Variants in MAGI2 observed in about 807,000 individuals in gnomAD.
MAGI2 encodes membrane associated guanylate kinase, WW and PDZ domain containing 2, also known as membrane-associated guanylate kinase, WW and PDZ domain-containing protein 2.
MAGI2 carries 35 observed loss-of-function variants against 133.3 expected under a neutral mutation model. The ratio of observed to expected loss-of-function variants is 0.26; its 90% CI spans 0.20 to 0.35. The LOEUF is 0.35. Ranked by LOEUF, MAGI2 falls within the 10% of genes least tolerant of loss-of-function variation. MAGI2 has a pLI of 1.00. For missense variants in MAGI2, 1,636 were observed against 1,863.4 expected (o/e 0.88, Z 2.25); for synonymous variants, 729 against 710.6 (o/e 1.03, Z -0.41).
intron 20 of MAGI2, among the ~76,000 whole-genome samples, chr7:78,089,898 C>T (rs997769832): frequency 1.3e-5 from 2 of 152,198 alleles, no homozygotes; most frequent in South Asian, 2.1e-4. Context: ...CCCCATGCTT[C>T]TTGAACAGAA....
chr7:78,064,328 T>TTGTGTGTGTGTG (rs3840609), intron 21 of MAGI2, among the ~76,000 whole-genome samples: 13,584 of 148,480 alleles, frequency 0.091, 646 homozygotes, highest in East Asian at 0.13. Context: ...TGTGATGGTT[T>TTGTGTGTGTGTG]TGTGTGTGTG....
intron 16 of MAGI2, among the ~76,000 whole-genome samples, chr7:78,143,470 A>T (rs1255818597): frequency 6.6e-6 from 1 of 152,142 alleles, no homozygotes. Flanking sequence ...AGCCTCATCA[A>T]GTTATTACTA....
chr7:78,508,986 A>G (rs1426348973), intron 4 of MAGI2, among the ~76,000 whole-genome samples: 2 of 150,820 alleles, frequency 1.3e-5, no homozygotes, highest in East Asian at 3.9e-4. Flanking sequence ...GGTTCAAGTG[A>G]TTCTCCTGCC....
intron 1 of MAGI2, among the ~76,000 whole-genome samples, chr7:79,135,958 A>AGAAG (rs1821370598): frequency 4.0e-5 from 1 of 24,832 alleles, no homozygotes; most frequent in African/African-American, 6.0e-5. Context: ...AAAGAAAGAA[A>AGAAG]GAAAGAAAGA....
At chr7:79,233,832 T>C (rs1261883528) in intron 1 of MAGI2, among the ~76,000 whole-genome samples, 3 of 150,790 alleles carry the variant, frequency 2.0e-5, no homozygotes, top group Admixed American at 1.3e-4. Flanking sequence ...TTTGATCCTG[T>C]CATTATGATG....
In MAGI2 at chr7:78,019,484, A is replaced by T. The variant is rs1808081039; in HGVS notation, c.4199T>A (p.Leu1400Gln). Residue 1400 changes from leucine (L) to glutamine (Q), a missense_variant, in exon 22 of 22, where the codon CTG becomes CAG. By Grantham distance (113) the Leu-to-Gln change is moderately radical (BLOSUM62 -2). Around this residue, in one of 5 missense-constraint regions of MAGI2, gnomAD observed 354 missense variants for 298.7 expected, o/e 1.19. Coordinates refer to ENST00000354212, the MANE Select transcript of MAGI2 (RefSeq NM_012301.4). ...AGPGGGGSGALEAEGRAGARA... is the reference protein window; with the variant it reads ...AGPGGGGSGAQEAEGRAGARA... Reference sequence around the variant, plus strand: ...CGCACCCGCCCTGCCCTCGGCCTCCAGCGCGCCGCTGCCGCCGCCGCCCGG... The same window carrying T: ...CGCACCCGCCCTGCCCTCGGCCTCCTGCGCGCCGCTGCCGCCGCCGCCCGG... The T allele has an allele frequency of 6.1e-6, 6 of 979,072 alleles. No individual in the cohort carries two copies. Among genetic ancestry groups the T allele is most frequent in the Non-Finnish European group, 6.0e-6 (5 of 827,754 alleles). The allele number at this position is 979,072 out of a possible 1,614,324, so 60.6% of individuals were successfully genotyped here. A position where few individuals can be genotyped will look rare whatever the true frequency, so the allele number is the denominator to read the frequency against.
chr7:78,377,232 A>G (rs1794523792), intron 6 of MAGI2, among the ~76,000 whole-genome samples: 1 of 152,134 alleles, frequency 6.6e-6, no homozygotes, highest in Non-Finnish European at 1.5e-5. Flanking sequence ...ACAAAATAGT[A>G]TGAACTTCAA....
At chr7:78,189,056 A>G (rs1437494124) in intron 12 of MAGI2, among the ~76,000 whole-genome samples, 3 of 152,198 alleles carry the variant, frequency 2.0e-5, no homozygotes, top group Admixed American at 1.3e-4. Flanking sequence ...TGCTGTTAGG[A>G]TGGGAGACAG....
intron 1 of MAGI2, among the ~76,000 whole-genome samples, chr7:79,380,720 A>G (rs1843715296): frequency 6.6e-6 from 1 of 151,710 alleles, no homozygotes. Flanking sequence ...TTTGTCACTA[A>G]ATGAGAAGTT....
chr7:78,802,928 TA>T (rs34471936), intron 2 of MAGI2, among the ~76,000 whole-genome samples: 53,170 of 144,204 alleles, frequency 0.37, 9,660 homozygotes, highest in East Asian at 0.51. Context: ...TAAAATCTAT[TA>T]AAAAAAAAAA....
At chr7:78,610,781 T>G (rs150106918) in intron 3 of MAGI2, among the ~76,000 whole-genome samples, 29 of 152,268 alleles carry the variant, frequency 1.9e-4, no homozygotes, top group Non-Finnish European at 3.8e-4. Flanking sequence ...TTTAGAATGA[T>G]GGATATCATG....
At chr7:78,613,316 T>C (rs1276577610) in intron 3 of MAGI2, among the ~76,000 whole-genome samples, 1 of 152,252 alleles carries the variant, frequency 6.6e-6, no homozygotes, top group Non-Finnish European at 1.5e-5. Context: ...TCCTCTGTAG[T>C]TGACAATGAG....
At chr7:78,767,053 G>T (rs1005113003) in intron 2 of MAGI2, among the ~76,000 whole-genome samples, 1 of 151,012 alleles carries the variant, frequency 6.6e-6, no homozygotes, top group Non-Finnish European at 1.5e-5. Flanking sequence ...GCAATGGCAC[G>T]ATCTCAGCTC....
At chr7:79,265,129 C>T (rs928778122) in intron 1 of MAGI2, among the ~76,000 whole-genome samples, 2 of 152,106 alleles carry the variant, frequency 1.3e-5, no homozygotes, top group Non-Finnish European at 2.9e-5. Context: ...AAACATAAAA[C>T]TCATGCTCTG....
intron 1 of MAGI2, among the ~76,000 whole-genome samples, chr7:79,168,332 A>G (rs1039983607): frequency 1.3e-5 from 2 of 152,054 alleles, no homozygotes; most frequent in Admixed American, 1.3e-4. Flanking sequence ...TGTGTCTAGC[A>G]TATATTTTGC....
chr7:78,702,845 AC>A (rs1198269998), intron 2 of MAGI2, among the ~76,000 whole-genome samples: 9 of 152,022 alleles, frequency 5.9e-5, no homozygotes, highest in African/African-American at 2.2e-4. Flanking sequence ...GTATTTGTGA[AC>A]AATTGGGTGG....
At chr7:78,882,086 C>CAAAAAAAAAAAAAAAAAAAAAAAAAA (rs771918590) in intron 2 of MAGI2, among the ~76,000 whole-genome samples, 22 of 12,462 alleles carry the variant, frequency 1.8e-3, no homozygotes, top group East Asian at 6.4e-3. Context: ...ACAACAACAA[C>CAAAAAAAAAAAAAAAAAAAAAAAAAA]AAAAAAAAAA....
chr7:78,768,209 A>G (rs1322248733), intron 2 of MAGI2, among the ~76,000 whole-genome samples: 1 of 152,104 alleles, frequency 6.6e-6, no homozygotes, highest in Non-Finnish European at 1.5e-5. Context: ...TCTGGGTAAA[A>G]CCACCTCACC....
intron 21 of MAGI2, among the ~76,000 whole-genome samples, chr7:78,025,362 T>A (rs2151045749): frequency 6.6e-6 from 1 of 152,340 alleles, no homozygotes. Context: ...GTAGTAATTA[T>A]AATGTGTAAT....
Sources: gnomAD v4.1 joint callset for allele counts (sites outside exome capture counted in the v4.1 genomes callset) on GRCh38, gnomAD v4.1.1 for gene constraint, gnomAD v4.1.1 regional missense constraint, MANE v1.5 for transcripts, NCBI Gene and HGNC (gene_info 2026-07-23, HGNC 2026-07-21) for gene names.